NEGR1: variants seen among roughly 807,000 people sequenced by gnomAD.
NEGR1 encodes neuronal growth regulator 1.
In NEGR1, 10 loss-of-function variants were observed where a neutral mutation model predicts 40.9. The ratio of observed to expected loss-of-function variants is 0.24; its 90% CI spans 0.15 to 0.42. The LOEUF (loss-of-function observed/expected upper bound fraction) is 0.42. NEGR1 is among the 10% of genes least tolerant of loss of function. The probability of loss-of-function intolerance (pLI) is 1.00; values close to 1 mark genes in which losing one functional copy is unlikely to be tolerated. For missense variants in NEGR1, 352 were observed against 438.9 expected (o/e 0.80, Z 1.77); for synonymous variants, 185 against 166.8 (o/e 1.11, Z -0.84).
At chr1:71,585,104 C>T (rs1429539528) in intron 6 of NEGR1, among the ~76,000 whole-genome samples, 4 of 151,980 alleles carry the variant, frequency 2.6e-5, no homozygotes, top group African/African-American at 4.8e-5. Flanking sequence ...GAGACAAGCA[C>T]ATTAAGATGC....
intron 1 of NEGR1, among the ~76,000 whole-genome samples, chr1:72,113,029 A>G (rs1557532829): frequency 1.3e-5 from 2 of 151,480 alleles, no homozygotes; most frequent in Non-Finnish European, 2.9e-5. Flanking sequence ...AGTGTTTTGG[A>G]TTTAAATTTA....
intron 3 of NEGR1, among the ~76,000 whole-genome samples, chr1:71,773,530 A>C (rs939306437): frequency 1.3e-5 from 2 of 152,336 alleles, no homozygotes; most frequent in African/African-American, 2.4e-5. Context: ...TAAATTAATA[A>C]GTCAAAAAAG....
chr1:71,547,074 T>C (rs1647923719), intron 6 of NEGR1, among the ~76,000 whole-genome samples: 1 of 151,758 alleles, frequency 6.6e-6, no homozygotes, highest in African/African-American at 2.4e-5. Flanking sequence ...TTCTAACACT[T>C]ATGACCTTAT....
intron 3 of NEGR1, among the ~76,000 whole-genome samples, chr1:71,701,227 T>C (rs1251143476): frequency 1.3e-5 from 2 of 152,008 alleles, no homozygotes; most frequent in Non-Finnish European, 2.9e-5. Context: ...TTAAAATCAA[T>C]GTGTCAGAGG....
At chr1:71,886,685 C>A (rs940569756) in intron 2 of NEGR1, among the ~76,000 whole-genome samples, 1 of 152,008 alleles carries the variant, frequency 6.6e-6, no homozygotes, top group Non-Finnish European at 1.5e-5. Context: ...TTGCCTTAAA[C>A]GGAGATATAT....
rs193213577 is a variant in NEGR1 at position 71,667,733 on chromosome 1, A to G, written c.667+30275T>C. Among the ~76,000 whole-genome samples the G allele has an allele frequency of 2.6e-3, 397 of 152,284 alleles. 3 individuals are homozygous for G. Among genetic ancestry groups the G allele is most frequent in the Non-Finnish European group, 4.5e-3 (305 of 68,020 alleles). ...GTATAGCAAAATTTCTAAAGGCACA[A>G]TCTCCAAAGCTTGACTATCGGGTTC... On this transcript the variant is annotated intron_variant, in intron 4 of 6. Coordinates refer to ENST00000357731, the MANE Select transcript of NEGR1 (RefSeq NM_173808.3).
At chr1:71,712,790 C>T (rs994908675) in intron 3 of NEGR1, among the ~76,000 whole-genome samples, 1 of 152,090 alleles carries the variant, frequency 6.6e-6, no homozygotes, top group Non-Finnish European at 1.5e-5. Flanking sequence ...TTACCCTTTG[C>T]TGTTCTCATG....
Position 72,208,093 on chromosome 1 carries a change from T to G in NEGR1, c.176+74226A>C, listed in dbSNP as rs527732184. On this transcript the variant is annotated intron_variant, in intron 1 of 6. Coordinates refer to ENST00000357731, the MANE Select transcript of NEGR1 (RefSeq NM_173808.3). ...TTTTTCCTCATTTGTAAAAGAGAGA[T>G]CCTGTCATCTGGGCATATAGTACAC... is the stretch of plus-strand genomic sequence containing the variant. Among the ~76,000 whole-genome samples, 163 of 151,800 alleles carry G rather than the reference T, an allele frequency of 1.1e-3. 1 individual carries two copies. The highest frequency in any genetic ancestry group is 3.6e-3 in the African/African-American group (151 of 41,534).
chr1:71,886,772 T>A (rs530527623), intron 2 of NEGR1, among the ~76,000 whole-genome samples: 1 of 152,196 alleles, frequency 6.6e-6, no homozygotes, highest in Admixed American at 6.5e-5. Flanking sequence ...TTCCATTTAC[T>A]GGTTTTCTGC....
At chr1:72,237,741 A>G (rs1570159952) in intron 1 of NEGR1, among the ~76,000 whole-genome samples, 1 of 152,122 alleles carries the variant, frequency 6.6e-6, no homozygotes, top group East Asian at 1.9e-4. Context: ...CTTTCTTTGC[A>G]GAATATTTTA....
chr1:71,581,697 A>AT (rs1649139393), intron 6 of NEGR1, among the ~76,000 whole-genome samples: 1 of 44,406 alleles, frequency 2.3e-5, no homozygotes, highest in Admixed American at 2.8e-4. Flanking sequence ...CATTATACAC[A>AT]ATTTTTTTTT....
intron 1 of NEGR1, among the ~76,000 whole-genome samples, chr1:72,110,391 T>C (rs1021503817): frequency 6.6e-6 from 1 of 151,490 alleles, no homozygotes; most frequent in African/African-American, 2.4e-5. Flanking sequence ...ACTTGACAAC[T>C]TGATAGGTTT....
At chr1:72,274,488 T>A in intron 1 of NEGR1, 1 of 619,816 alleles carries the variant, frequency 1.6e-6, no homozygotes, top group East Asian at 2.8e-5. Context: ...GCTACACTGA[T>A]TAAAAGATAA....
chr1:71,675,845 A>C (rs1652617286), intron 4 of NEGR1, among the ~76,000 whole-genome samples: 1 of 151,696 alleles, frequency 6.6e-6, no homozygotes, highest in Admixed American at 6.6e-5. Context: ...TCTGTCACCC[A>C]GGCTGGAATG....
intron 6 of NEGR1, among the ~76,000 whole-genome samples, chr1:71,579,612 T>TG (rs1391451970): frequency 1.3e-5 from 2 of 151,270 alleles, no homozygotes; most frequent in African/African-American, 4.9e-5. Context: ...GATTTTTTTT[T>TG]TTTTTTTTGT....
At position 72,138,719 on chromosome 1, in the gene NEGR1, T is replaced by G. The variant is rs574271508; in HGVS notation, c.176+143600A>C. The stretch of plus-strand genomic sequence containing the variant: ...CTTAGGAACAAATGTTCAAAATACA[T>G]GAAGCAAAAACTGCTAAAACTGCAA... On this transcript the variant is annotated intron_variant, in intron 1 of 6. Coordinates refer to ENST00000357731, the MANE Select transcript of NEGR1 (RefSeq NM_173808.3). 1.4e-4 allele frequency among the ~76,000 whole-genome samples: 21 copies of G among 152,038 alleles called. 1 individual carries two copies. The highest frequency in any genetic ancestry group is 5.1e-4 in the African/African-American group (21 of 41,524).
intron 1 of NEGR1, among the ~76,000 whole-genome samples, chr1:72,270,301 T>C (rs1655799204): frequency 6.6e-6 from 1 of 151,868 alleles, no homozygotes; most frequent in South Asian, 2.1e-4. Flanking sequence ...TAAAACACTA[T>C]GCTATGCATT....
At chr1:72,081,472 C>T (rs1470150495) in intron 1 of NEGR1, among the ~76,000 whole-genome samples, 2 of 151,988 alleles carry the variant, frequency 1.3e-5, no homozygotes, top group East Asian at 3.9e-4. Flanking sequence ...GTTACAGCTC[C>T]CTGTAATTTT....
At chr1:72,239,882 G>T (rs1654678544) in intron 1 of NEGR1, among the ~76,000 whole-genome samples, 1 of 151,726 alleles carries the variant, frequency 6.6e-6, no homozygotes, top group South Asian at 2.1e-4. Context: ...TTTAAAAATT[G>T]ATTTTAATAT....
Sources: allele counts gnomAD v4.1 joint callset (sites outside exome capture counted in the v4.1 genomes callset), GRCh38; gene constraint gnomAD v4.1.1; transcripts MANE v1.5; gene names NCBI Gene and HGNC (gene_info 2026-07-23, HGNC 2026-07-21).